The following EMC2 variants were observed in gnomAD, a reference collection of about 807,000 sequenced individuals.
The protein encoded by EMC2 is TPR repeat protein 35.
EMC2 carries 37 observed loss-of-function variants against 51.6 expected under a neutral mutation model. The ratio of observed to expected loss-of-function variants is 0.72; its 90% CI spans 0.55 to 0.94. The LOEUF (loss-of-function observed/expected upper bound fraction) is 0.94. EMC2 is among the 40% of genes least tolerant of loss of function. The pLI, the probability that EMC2 is intolerant of heterozygous loss-of-function variation, is 0.00. For synonymous variants in EMC2, 131 were observed against 112.4 expected (o/e 1.17, Z -1.04); for missense variants, 359 against 350.9 (o/e 1.02, Z -0.18).
At chr8:108,469,139 G>T (rs1274560249) in intron 5 of EMC2, among the ~76,000 whole-genome samples, 1 of 152,108 alleles carries the variant, frequency 6.6e-6, no homozygotes, top group African/African-American at 2.4e-5. Flanking sequence ...TCATGAGAAT[G>T]AGCTTCTGCA....
intron 3 of EMC2, among the ~76,000 whole-genome samples, chr8:108,452,638 A>G (rs1819055468): frequency 6.6e-6 from 1 of 152,124 alleles, no homozygotes; most frequent in African/African-American, 2.4e-5. Context: ...TGTTTATGTT[A>G]TTTGCTAGGA....
intron 9 of EMC2, among the ~76,000 whole-genome samples, chr8:108,478,712 A>G (rs1448649062): frequency 6.6e-6 from 1 of 151,908 alleles, no homozygotes; most frequent in African/African-American, 2.4e-5. Context: ...GAGCTTCTTT[A>G]TTTAAATGAT....
intron 1 of EMC2, among the ~76,000 whole-genome samples, chr8:108,448,823 A>G (rs1818942120): frequency 6.6e-6 from 1 of 152,110 alleles, no homozygotes; most frequent in Non-Finnish European, 1.5e-5. Flanking sequence ...TAAAATTGAC[A>G]TATAAAATTT....
At chr8:108,458,360 G>A (rs764493074) in intron 5 of EMC2, among the ~76,000 whole-genome samples, 5 of 152,128 alleles carry the variant, frequency 3.3e-5, no homozygotes, top group Non-Finnish European at 7.4e-5. Context: ...TTGTGTGGGG[G>A]CTCTGGCCCC....
chr8:108,451,990 T>G (rs10955487), intron 3 of EMC2, among the ~76,000 whole-genome samples: 78,557 of 152,008 alleles, frequency 0.52, 20,684 homozygotes, highest in Middle Eastern at 0.61. Context: ...TAAAACTTAT[T>G]TTATTACCAG....
chr8:108,474,127 TATGTG>T (rs1315501084), intron 7 of EMC2: 1 of 151,980 alleles, frequency 6.6e-6, no homozygotes, highest in Non-Finnish European at 1.5e-5. Context: ...CCTTTTCTCA[TATGTG>T]ATGCTAATTG....
intron 5 of EMC2, among the ~76,000 whole-genome samples, chr8:108,467,013 C>T (rs1810735764): frequency 6.6e-6 from 1 of 152,082 alleles, no homozygotes; most frequent in South Asian, 2.1e-4. Flanking sequence ...TCAGGAGTCC[C>T]AGGATTTGCA....
At chr8:108,448,718 G>A (rs964974266) in intron 1 of EMC2, among the ~76,000 whole-genome samples, 15 of 152,024 alleles carry the variant, frequency 9.9e-5, no homozygotes, top group East Asian at 1.9e-4. Flanking sequence ...GTGGGAAAAC[G>A]GACTAATACA....
At chr8:108,447,608 T>C (rs1014437117) in intron 1 of EMC2, among the ~76,000 whole-genome samples, 1 of 152,176 alleles carries the variant, frequency 6.6e-6, no homozygotes, top group African/African-American at 2.4e-5. Context: ...AGGCATATTT[T>C]TCCATCTTTC....
chr8:108,488,671 A>G lies in EMC2; in HGVS notation c.*2073A>G, dbSNP rs1811187044. Among the ~76,000 whole-genome samples, 1 of 152,138 alleles carries G rather than the reference A, an allele frequency of 6.6e-6. No homozygotes were observed. Among genetic ancestry groups the G allele is most frequent in the South Asian group, 2.1e-4 (1 of 4,822 alleles). On this transcript the variant is annotated 3_prime_UTR_variant, in exon 11 of 11. Transcript: ENST00000220853. ...TAGTGGCAAGGATCCCTCTTCCTCA[A>G]AGAGATTAGGACCTTACCCCAACTC... is the stretch of plus-strand genomic sequence containing the variant.
rs543302459 is a variant in EMC2, at chr8:108,485,747, T to C, written c.808-765T>C. 4.0e-5 allele frequency among the ~76,000 whole-genome samples: 6 copies of C among 151,234 alleles called. No individual in the cohort carries two copies. In the East Asian group the frequency reaches 7.7e-4, roughly 20 times the overall value. On this transcript the variant is annotated intron_variant, in intron 10 of 10. Coordinates refer to ENST00000220853, the MANE Select transcript of EMC2 (RefSeq NM_014673.5). ...CCCTCCAGCGGTTATGTGTATGATA[T>C]TGAATTTAATATGCCATGAATTTGC... is the stretch of plus-strand genomic sequence containing the variant.
chr8:108,458,728 G>T (rs983199746), intron 5 of EMC2, among the ~76,000 whole-genome samples: 1 of 152,204 alleles, frequency 6.6e-6, no homozygotes, highest in African/African-American at 2.4e-5. Context: ...TGTGATGGGA[G>T]GGGCTGCCAT....
chr8:108,474,192 A>G (rs893563265), intron 7 of EMC2: 1 of 151,902 alleles, frequency 6.6e-6, no homozygotes, highest in Non-Finnish European at 1.5e-5. Flanking sequence ...AGCTGCTACT[A>G]CCTGCCCATT....
intron 9 of EMC2, 85 bp from the exon 10 acceptor site, chr8:108,478,921 C>G: frequency 2.1e-6 from 1 of 486,866 alleles, no homozygotes; most frequent in Non-Finnish European, 3.5e-6. Flanking sequence ...CTTTATTATC[C>G]CATTGCAACC....
intron 5 of EMC2, among the ~76,000 whole-genome samples, chr8:108,467,218 T>C (rs1250909172): frequency 1.3e-5 from 2 of 152,224 alleles, no homozygotes; most frequent in African/African-American, 2.4e-5. Context: ...AAGATGTGCG[T>C]TTCTATTTTT....
chr8:108,456,191 G>A (rs1258618837), intron 5 of EMC2: 1 of 162,406 alleles, frequency 6.2e-6, no homozygotes, highest in Non-Finnish European at 1.3e-5. Context: ...AAATTAGCTG[G>A]GTGTGGTGGC....
intron 1 of EMC2, 31 bp downstream of exon 1, chr8:108,443,729 A>G (rs1818807659): frequency 6.3e-7 from 1 of 1,593,018 alleles, no homozygotes; most frequent in Non-Finnish European, 8.6e-7. Context: ...GTGCGGAAAG[A>G]CTAAAAGCGC....
chr8:108,444,669 C>G (rs1483465901), intron 1 of EMC2, among the ~76,000 whole-genome samples: 4 of 152,118 alleles, frequency 2.6e-5, no homozygotes, highest in Non-Finnish European at 4.4e-5. Context: ...AGTTGTAAAT[C>G]CGTTACAAAT....
At chr8:108,465,473 C>T (rs1283076989) in intron 5 of EMC2, among the ~76,000 whole-genome samples, 5 of 152,150 alleles carry the variant, frequency 3.3e-5, no homozygotes, top group African/African-American at 9.7e-5. Context: ...TTCTCTGAAG[C>T]CAGGGATTGA....
Sources: gnomAD v4.1 joint callset for allele counts (sites outside exome capture counted in the v4.1 genomes callset) on GRCh38, gnomAD v4.1.1 for gene constraint, MANE v1.5 for transcripts, NCBI Gene and HGNC (gene_info 2026-07-23, HGNC 2026-07-21) for gene names.